Variants in ATP2B1 observed in about 807,000 individuals in gnomAD.
ATP2B1 encodes the protein ATPase plasma membrane Ca2+ transporting 1, also known as plasma membrane calcium-transporting ATPase 1.
ATP2B1 carries 14 observed loss-of-function variants against 124.2 expected under a neutral mutation model. That is an observed-to-expected ratio of 0.11 (90% CI 0.07 to 0.18). The LOEUF is 0.18. Ranked by LOEUF, ATP2B1 falls within the 10% of genes least tolerant of loss-of-function variation. The pLI, the probability that ATP2B1 is intolerant of heterozygous loss-of-function variation, is 1.00. For missense variants in ATP2B1, 763 were observed against 1,466.1 expected (o/e 0.52, Z 7.83); for synonymous variants, 449 against 492.4 (o/e 0.91, Z 1.17).
At chr12:89,686,861 A>G (rs1258516082) in intron 1 of ATP2B1, among the ~76,000 whole-genome samples, 1 of 152,104 alleles carries the variant, frequency 6.6e-6, no homozygotes, top group African/African-American at 2.4e-5. Context: ...AAAACTGAGT[A>G]TTAGTCCAGA....
chr12:89,692,781 G>A (rs1337291094), intron 1 of ATP2B1, among the ~76,000 whole-genome samples: 2 of 152,054 alleles, frequency 1.3e-5, no homozygotes, highest in African/African-American at 4.8e-5. Flanking sequence ...AAATTGGGTT[G>A]TCTTATTAAT....
intron 1 of ATP2B1, among the ~76,000 whole-genome samples, chr12:89,674,040 C>A (rs1195480450): frequency 2.6e-5 from 4 of 152,124 alleles, no homozygotes; most frequent in Admixed American, 6.5e-5. Context: ...CTCTTACTGA[C>A]ATGGGCAAGA....
chr12:89,683,683 A>C (rs555410687), intron 1 of ATP2B1, among the ~76,000 whole-genome samples: 13 of 152,190 alleles, frequency 8.5e-5, no homozygotes, highest in Non-Finnish European at 1.6e-4. Flanking sequence ...TCCCCAACCC[A>C]AATTTCTGAC....
At chr12:89,601,050 C>T (rs1875731844) in intron 19 of ATP2B1, among the ~76,000 whole-genome samples, 1 of 151,834 alleles carries the variant, frequency 6.6e-6, no homozygotes, top group African/African-American at 2.4e-5. Flanking sequence ...GTTATAAATA[C>T]ATCATTTTTA....
intron 11 of ATP2B1, among the ~76,000 whole-genome samples, chr12:89,619,437 C>A (rs1263282070): frequency 1.3e-5 from 2 of 151,846 alleles, no homozygotes; most frequent in Non-Finnish European, 2.9e-5. Context: ...CATGGTGAAA[C>A]CCTGACTCTA....
intron 2 of ATP2B1, among the ~76,000 whole-genome samples, chr12:89,654,299 C>A (rs953126330): frequency 5.3e-5 from 8 of 152,184 alleles, no homozygotes; most frequent in Non-Finnish European, 1.2e-4. Context: ...GTTCCTGATA[C>A]TCTTAGTTAT....
chr12:89,605,480 C>A (rs1876666710), intron 15 of ATP2B1, among the ~76,000 whole-genome samples: 1 of 152,118 alleles, frequency 6.6e-6, no homozygotes, highest in African/African-American at 2.4e-5. Context: ...TGTTCTCTTG[C>A]CCTTCTCCCA....
intron 2 of ATP2B1, among the ~76,000 whole-genome samples, chr12:89,643,186 GTATA>G (rs751558831): frequency 2.4e-4 from 36 of 149,068 alleles, no homozygotes; most frequent in Non-Finnish European, 4.9e-4. Flanking sequence ...GTATATGTAT[GTATA>G]TATGTATATA....
Position 89,626,473 on chromosome 12 carries a change from A to G in ATP2B1, c.1110T>C (p.Ala370=). The part of the protein sequence containing the change: ...SVLQGKLTKL[A]VQIGKAGLLM... ...TCATACCTGCTTTGCCAATCTGAAC[A>G]GCCAGTTTTGTAAGTTTCCCTTGTA... is the stretch of plus-strand genomic sequence containing the variant. Residue 370 remains alanine, a synonymous_variant, in exon 8 of 21, where the codon GCT becomes GCC. Coordinates refer to ENST00000428670, the MANE Select transcript of ATP2B1 (RefSeq NM_001366521.1). The G allele has an allele frequency of 6.2e-7, 1 of 1,611,304 alleles. No homozygotes were observed. The highest frequency in any genetic ancestry group is 8.5e-7 in the Non-Finnish European group (1 of 1,179,148).
At chr12:89,683,399 T>C (rs1889592305) in intron 1 of ATP2B1, among the ~76,000 whole-genome samples, 1 of 152,216 alleles carries the variant, frequency 6.6e-6, no homozygotes, top group African/African-American at 2.4e-5. Context: ...TCTGACTGTC[T>C]TGGAATGCCC....
intron 1 of ATP2B1, among the ~76,000 whole-genome samples, chr12:89,661,429 C>T (rs1453409878): frequency 6.6e-6 from 1 of 152,088 alleles, no homozygotes; most frequent in East Asian, 1.9e-4. Context: ...CATTTTATGG[C>T]CATTAAAACC....
At chr12:89,670,506 G>A (rs1326090144) in intron 1 of ATP2B1, among the ~76,000 whole-genome samples, 2 of 151,780 alleles carry the variant, frequency 1.3e-5, no homozygotes. Flanking sequence ...GCCAGATGCT[G>A]AGGTTTGGAG....
intron 1 of ATP2B1, among the ~76,000 whole-genome samples, chr12:89,703,473 A>G (rs921633106): frequency 1.3e-5 from 2 of 152,226 alleles, no homozygotes; most frequent in African/African-American, 2.4e-5. Context: ...AGAGCTATCT[A>G]TCCACTAACT....
chr12:89,630,669 T>C (rs1881700907), intron 5 of ATP2B1, 24 bp from the exon 6 acceptor site: 1 of 1,428,320 alleles, frequency 7.0e-7, no homozygotes, highest in African/African-American at 1.5e-5. Flanking sequence ...CATAGTTTGT[T>C]TTTAAAAATA....
At chr12:89,648,981 CAG>C (rs1884881248) in intron 2 of ATP2B1, among the ~76,000 whole-genome samples, 1 of 152,230 alleles carries the variant, frequency 6.6e-6, no homozygotes, top group African/African-American at 2.4e-5. Context: ...TGCAGATACT[CAG>C]AATTCAAGTG....
At chr12:89,680,162 A>C (rs1266911300) in intron 1 of ATP2B1, among the ~76,000 whole-genome samples, 1 of 152,180 alleles carries the variant, frequency 6.6e-6, no homozygotes, top group African/African-American at 2.4e-5. Context: ...CTGGAGGAAG[A>C]AAACAGAAAA....
chr12:89,619,893 T>A, intron 11 of ATP2B1, 106 bp downstream of exon 11: 3 of 1,437,048 alleles, frequency 2.1e-6, no homozygotes, highest in Non-Finnish European at 2.8e-6. Flanking sequence ...TGAGGTCCTA[T>A]CAAATGCCTG....
intron 1 of ATP2B1, among the ~76,000 whole-genome samples, chr12:89,669,177 CT>C (rs1887645947): frequency 6.6e-6 from 1 of 152,046 alleles, no homozygotes; most frequent in African/African-American, 2.4e-5. Flanking sequence ...ATCTTTCTTC[CT>C]GATTAAACTG....
intron 11 of ATP2B1, 152 bp downstream of exon 11, chr12:89,619,847 A>C (rs1168269622): frequency 7.3e-6 from 7 of 962,408 alleles, no homozygotes; most frequent in Non-Finnish European, 7.5e-6. Context: ...TAGCAGGGGC[A>C]AATATCTGGA....
Sources: allele counts gnomAD v4.1 joint callset (sites outside exome capture counted in the v4.1 genomes callset), GRCh38; gene constraint gnomAD v4.1.1; transcripts MANE v1.5; gene names NCBI Gene and HGNC (gene_info 2026-07-23, HGNC 2026-07-21).